GABPB1: variants seen among roughly 807,000 people sequenced by gnomAD.
GABPB1 encodes the protein GA-binding protein subunit beta-1.
GABPB1 carries 15 observed loss-of-function variants against 45.9 expected under a neutral mutation model. That is an observed-to-expected ratio of 0.33 (90% CI 0.22 to 0.50). GABPB1 has a LOEUF of 0.50. Ranked by LOEUF, GABPB1 falls within the 20% of genes least tolerant of loss-of-function variation. GABPB1 has a pLI of 0.98. For synonymous variants in GABPB1, 143 were observed against 154.4 expected (o/e 0.93, Z 0.55); for missense variants, 252 against 457.5 (o/e 0.55, Z 4.10).
chr15:50,292,119 G>T (rs1455983419), intron 6 of GABPB1, among the ~76,000 whole-genome samples: 1 of 151,666 alleles, frequency 6.6e-6, no homozygotes, highest in Non-Finnish European at 1.5e-5. Flanking sequence ...CGGGTCAGGA[G>T]ATCGAGACCA....
At chr15:50,284,264 C>G (rs1053469959) in intron 8 of GABPB1, among the ~76,000 whole-genome samples, 2 of 152,200 alleles carry the variant, frequency 1.3e-5, no homozygotes, top group Non-Finnish European at 2.9e-5. Context: ...ATATCTCCAG[C>G]CTACCACTAC....
chr15:50,306,916 T>C (rs1367040897), intron 2 of GABPB1, among the ~76,000 whole-genome samples: 2 of 152,096 alleles, frequency 1.3e-5, no homozygotes, highest in South Asian at 2.1e-4. Context: ...CTGTGTTCTA[T>C]AATATTCCAT....
At chr15:50,318,344 C>T (rs2141082280) in intron 1 of GABPB1, among the ~76,000 whole-genome samples, 1 of 152,208 alleles carries the variant, frequency 6.6e-6, no homozygotes, top group East Asian at 1.9e-4. Flanking sequence ...TCCTTTGAAA[C>T]GAAAAATCAT....
chr15:50,298,016 A>G (rs538357514), intron 6 of GABPB1, among the ~76,000 whole-genome samples: 3 of 152,342 alleles, frequency 2.0e-5, no homozygotes, highest in African/African-American at 4.8e-5. Flanking sequence ...GGAGTCACAC[A>G]TTTAAATGTC....
At chr15:50,316,261 G>C (rs1295110199) in intron 1 of GABPB1, among the ~76,000 whole-genome samples, 1 of 152,096 alleles carries the variant, frequency 6.6e-6, no homozygotes, top group Non-Finnish European at 1.5e-5. Flanking sequence ...GTGGTAACAG[G>C]AATTACTACC....
At chr15:50,349,781 T>A (rs1482514772) in intron 1 of GABPB1, 5 of 152,238 alleles carry the variant, frequency 3.3e-5, no homozygotes, top group African/African-American at 1.2e-4. Flanking sequence ...TGCTAACACA[T>A]TTAATTTTTT....
Position 50,303,991 on chromosome 15 carries a change from G to A in GABPB1, c.251C>T (p.Ala84Val). Residue 84 changes from alanine to valine, a missense_variant, in exon 3 of 9, where the codon GCC becomes GTC. Physicochemically the swap from Ala to Val is moderately conservative, Grantham distance 64. This residue lies in a region of GABPB1 where 35 missense variants were observed against 143.7 expected (regional missense o/e 0.24). Coordinates refer to ENST00000380877, the MANE Select transcript of GABPB1 (RefSeq NM_016654.5). Reference sequence around the variant, plus strand: ...CTTAAGTAAAACCTCTACTATGCTGGCATGGCCCTCAGAAGCTGCCATATG... The same window carrying A: ...CTTAAGTAAAACCTCTACTATGCTGACATGGCCCTCAGAAGCTGCCATATG... ...PLHMAASEGH[A>V]SIVEVLLKHG... 3 of 1,609,890 alleles carry A rather than the reference G, an allele frequency of 1.9e-6. No homozygotes were observed. Among genetic ancestry groups the A allele is most frequent in the Middle Eastern group, 1.7e-4 (1 of 6,050 alleles).
intron 2 of GABPB1, among the ~76,000 whole-genome samples, chr15:50,305,392 G>A (rs1330958050): frequency 1.3e-5 from 2 of 151,962 alleles, no homozygotes; most frequent in Non-Finnish European, 1.5e-5. Flanking sequence ...CCAGGCTGGG[G>A]TGCAATGGAT....
Position 50,277,906 on chromosome 15 carries a change from C to T in GABPB1, c.*726G>A, listed in dbSNP as rs754845765. 3 of 151,862 alleles carry T rather than the reference C, an allele frequency of 2.0e-5. No individual in the cohort carries two copies. Among genetic ancestry groups the T allele is most frequent in the Non-Finnish European group, 2.9e-5 (2 of 68,000 alleles). The allele number at this position is 151,862 out of a possible 1,614,324, so 9.4% of individuals were successfully genotyped here. A position where few individuals can be genotyped will look rare whatever the true frequency, so the allele number is the denominator to read the frequency against. Reference sequence around the variant, plus strand: ...AATAAAACCAGCTGCCAGCTTACTTCGTTTCAATGACCTACAGAGTAAAGG... The same window carrying T: ...AATAAAACCAGCTGCCAGCTTACTTTGTTTCAATGACCTACAGAGTAAAGG... On this transcript the variant is annotated 3_prime_UTR_variant, in exon 9 of 9. Coordinates refer to ENST00000380877, the MANE Select transcript of GABPB1 (RefSeq NM_016654.5).
chr15:50,310,511 TTAAAC>T (rs1294271054), intron 1 of GABPB1, among the ~76,000 whole-genome samples: 2 of 152,220 alleles, frequency 1.3e-5, no homozygotes, highest in South Asian at 2.1e-4. Context: ...TTGGTGCAAA[TTAAAC>T]TAAACTTAGC....
intron 6 of GABPB1, among the ~76,000 whole-genome samples, chr15:50,291,917 CA>C (rs1369368939): frequency 0.1 from 8,581 of 83,322 alleles, 558 homozygotes; most frequent in African/African-American, 0.29. Flanking sequence ...GACTCTGTCT[CA>C]AAAAAAAAAA....
At chr15:50,314,189 T>TA (rs1396280557) in intron 1 of GABPB1, among the ~76,000 whole-genome samples, 2 of 139,324 alleles carry the variant, frequency 1.4e-5, no homozygotes, top group African/African-American at 5.5e-5. Flanking sequence ...ATTTATTTAT[T>TA]TATTTATTTT....
rs754395041 is a variant in GABPB1, at chr15:50,289,452, T to C, written c.883+31A>G. ...AAATAAAAATTAAAAAAAAAAAACA[T>C]ACAAACTTTATATAAATGTCTACTA... On this transcript the variant is annotated intron_variant, in intron 7 of 8. Transcript: ENST00000380877. The C allele has an allele frequency of 9.0e-6, 12 of 1,330,710 alleles. No homozygotes were observed. The African/African-American group carries it at 9.2e-5, about 10-fold the overall frequency. 82.4% of individuals were successfully genotyped at this position (1,330,710 alleles called of 1,614,324 possible).
At chr15:50,340,531 G>A (rs1156938263) in intron 1 of GABPB1, among the ~76,000 whole-genome samples, 1 of 111,644 alleles carries the variant, frequency 9.0e-6, no homozygotes, top group Non-Finnish European at 1.7e-5. Flanking sequence ...TATCCTTCCA[G>A]TATTTCTATA....
chr15:50,303,249 T>C, intron 3 of GABPB1, 126 bp from the exon 4 acceptor site: 1 of 748,740 alleles, frequency 1.3e-6, no homozygotes, highest in East Asian at 2.7e-5. Context: ...TATATGTATA[T>C]GTTAAATAGA....
At chr15:50,335,393 A>T (rs542619320) in intron 1 of GABPB1, among the ~76,000 whole-genome samples, 2 of 152,286 alleles carry the variant, frequency 1.3e-5, no homozygotes, top group East Asian at 3.9e-4. Flanking sequence ...ACCTCACCCC[A>T]TAAGACTGAT....
intron 7 of GABPB1, among the ~76,000 whole-genome samples, 176 bp downstream of exon 7, chr15:50,289,307 T>C (rs970871121): frequency 6.6e-6 from 1 of 152,158 alleles, no homozygotes; most frequent in Non-Finnish European, 1.5e-5. Flanking sequence ...ATTAAGTCTA[T>C]TGCAAAGGGT....
chr15:50,294,958 G>C (rs777225042), intron 6 of GABPB1, among the ~76,000 whole-genome samples: 1 of 152,150 alleles, frequency 6.6e-6, no homozygotes, highest in Non-Finnish European at 1.5e-5. Context: ...GTATTATACA[G>C]TTGTACCACA....
chr15:50,281,494 AG>A (rs1327345686), intron 8 of GABPB1, among the ~76,000 whole-genome samples: 13 of 152,238 alleles, frequency 8.5e-5, no homozygotes, highest in East Asian at 5.8e-4. Context: ...TACAGGCGTG[AG>A]CCACTGCGCC....
Sources: gnomAD v4.1 joint callset for allele counts (sites outside exome capture counted in the v4.1 genomes callset) on GRCh38, gnomAD v4.1.1 for gene constraint, gnomAD v4.1.1 regional missense constraint, MANE v1.5 for transcripts, NCBI Gene and HGNC (gene_info 2026-07-23, HGNC 2026-07-21) for gene names.